FHIT: variants seen among roughly 807,000 people sequenced by gnomAD.
FHIT encodes bis(5'-adenosyl)-triphosphatase.
In FHIT, 19 loss-of-function variants were observed where a neutral mutation model predicts 17.9. That is an observed-to-expected ratio of 1.06 (90% confidence interval 0.74 to 1.56). FHIT has a LOEUF of 1.56. Ranked by LOEUF, FHIT falls within the 40% of genes most tolerant of loss-of-function variation. The pLI is 0.00. For missense variants in FHIT, 248 were observed against 189.2 expected (o/e 1.31, Z -1.82); for synonymous variants, 81 against 69.7 (o/e 1.16, Z -0.81).
intron 3 of FHIT, among the ~76,000 whole-genome samples, chr3:60,965,101 C>A (rs184548907): frequency 4.7e-4 from 71 of 152,262 alleles, no homozygotes; most frequent in Non-Finnish European, 9.7e-4. Context: ...TTCACATAGT[C>A]CCATATTTCC....
chr3:60,825,175 T>C (rs1373978707), intron 3 of FHIT, among the ~76,000 whole-genome samples: 7 of 152,196 alleles, frequency 4.6e-5, no homozygotes, highest in Admixed American at 3.9e-4. Context: ...AGTACACATA[T>C]GCCACGGCAT....
At chr3:60,276,476 A>G (rs1454757040) in intron 5 of FHIT, among the ~76,000 whole-genome samples, 1 of 152,218 alleles carries the variant, frequency 6.6e-6, no homozygotes, top group Non-Finnish European at 1.5e-5. Flanking sequence ...CCAAGAGTCT[A>G]TAAAATATAA....
chr3:59,935,804 A>T (rs34272009), intron 7 of FHIT, among the ~76,000 whole-genome samples: 14,857 of 152,030 alleles, frequency 0.098, 830 homozygotes, highest in South Asian at 0.11. Context: ...ATAGACAACT[A>T]CACTGCTCTT....
At chr3:60,073,022 G>A (rs1702847961) in intron 5 of FHIT, among the ~76,000 whole-genome samples, 1 of 152,172 alleles carries the variant, frequency 6.6e-6, no homozygotes, top group Non-Finnish European at 1.5e-5. Context: ...ATTCATGGAA[G>A]AAAACCCCAA....
At chr3:59,943,463 C>T (rs1049926922) in intron 7 of FHIT, among the ~76,000 whole-genome samples, 1 of 152,184 alleles carries the variant, frequency 6.6e-6, no homozygotes, top group Non-Finnish European at 1.5e-5. Flanking sequence ...TTCTCCCAGC[C>T]TTTCCTGCAT....
chr3:60,490,080 T>C (rs1161925889), intron 5 of FHIT, among the ~76,000 whole-genome samples: 1 of 152,140 alleles, frequency 6.6e-6, no homozygotes, highest in Non-Finnish European at 1.5e-5. Context: ...TAACTCGGAA[T>C]TAAACAAATC....
chr3:59,807,064 T>C (rs1700232435), intron 8 of FHIT, among the ~76,000 whole-genome samples: 1 of 152,154 alleles, frequency 6.6e-6, no homozygotes, highest in African/African-American at 2.4e-5. Flanking sequence ...GATCCCTCTC[T>C]TATCCAAAAT....
chr3:61,158,547 C>T (rs2037597655), intron 2 of FHIT, among the ~76,000 whole-genome samples: 1 of 152,226 alleles, frequency 6.6e-6, no homozygotes, highest in Non-Finnish European at 1.5e-5. Flanking sequence ...CCCTACTTCA[C>T]ATTACGAATA....
intron 7 of FHIT, among the ~76,000 whole-genome samples, chr3:59,960,638 C>T (rs1707628281): frequency 6.6e-6 from 1 of 152,160 alleles, no homozygotes; most frequent in Admixed American, 6.5e-5. Context: ...CTTTGGAAAA[C>T]AATGTTCATG....
intron 4 of FHIT, among the ~76,000 whole-genome samples, chr3:60,563,331 C>T (rs967022428): frequency 6.6e-6 from 1 of 152,180 alleles, no homozygotes; most frequent in East Asian, 1.9e-4. Flanking sequence ...TGCAGGCATA[C>T]TTCATTTCAC....
Position 60,784,723 on chromosome 3 carries a change from A to G in FHIT, c.-18+37196T>C, listed in dbSNP as rs1700505297. Among the ~76,000 whole-genome samples the G allele has an allele frequency of 3.3e-5, 5 of 152,184 alleles. No homozygotes were observed. In the South Asian group the frequency reaches 1.0e-3, roughly 31 times the overall value. On this transcript the variant is annotated intron_variant, in intron 4 of 9. Coordinates refer to ENST00000492590, the MANE Select transcript of FHIT (RefSeq NM_002012.4). ...ACTGAATGTTTGTGTCCCTCACAAAATTTATATGTTGAAATCTAATCCCAA... is the reference window on the plus strand; with the variant it reads ...ACTGAATGTTTGTGTCCCTCACAAAGTTTATATGTTGAAATCTAATCCCAA...
chr3:60,121,709 AACACAC>A (rs57250663), intron 5 of FHIT, among the ~76,000 whole-genome samples: 189 of 116,340 alleles, frequency 1.6e-3, no homozygotes, highest in Middle Eastern at 9.4e-3. Context: ...AAACAAAACA[AACACAC>A]ACACACACAC....
At chr3:60,730,761 C>G (rs1482152269) in intron 4 of FHIT, 1 of 152,266 alleles carries the variant, frequency 6.6e-6, no homozygotes, top group Non-Finnish European at 1.5e-5. Flanking sequence ...AAAACGCAAA[C>G]TCAAATGCCT....
At chr3:59,752,165 G>C (rs1700944574) in intron 9 of FHIT, 56 bp downstream of exon 9, 1 of 1,259,550 alleles carries the variant, frequency 7.9e-7, no homozygotes, top group Non-Finnish European at 1.1e-6. Context: ...TGAGAGTGCA[G>C]CCTCTTTCCT....
intron 5 of FHIT, among the ~76,000 whole-genome samples, chr3:60,366,331 G>A (rs560288036): frequency 1.3e-5 from 2 of 152,162 alleles, no homozygotes; most frequent in African/African-American, 4.8e-5. Context: ...CACCATGTTG[G>A]CCAGGCTGCT....
At chr3:59,835,346 G>A (rs942226145) in intron 8 of FHIT, among the ~76,000 whole-genome samples, 2 of 152,004 alleles carry the variant, frequency 1.3e-5, no homozygotes, top group South Asian at 2.1e-4. Flanking sequence ...ACCCTTTCCC[G>A]CCTATTATGT....
chr3:60,860,813 CAGGTATATA>C (rs1462536272), intron 3 of FHIT, among the ~76,000 whole-genome samples: 11,100 of 15,298 alleles, frequency 0.73, 5,254 homozygotes, highest in Middle Eastern at 1. Context: ...ACATATATAT[CAGGTATATA>C]TGATACATAT....
At chr3:59,903,202 T>C (rs919918814) in intron 8 of FHIT, among the ~76,000 whole-genome samples, 12 of 152,194 alleles carry the variant, frequency 7.9e-5, no homozygotes, top group Non-Finnish European at 1.5e-4. Context: ...CCACATAATG[T>C]ATGATGCCAT....
intron 5 of FHIT, among the ~76,000 whole-genome samples, chr3:60,320,002 C>T (rs1395131056): frequency 2.0e-5 from 3 of 152,150 alleles, no homozygotes; most frequent in Non-Finnish European, 4.4e-5. Context: ...TTCAGTACCT[C>T]AATTTAAAGC....
Sources: allele counts gnomAD v4.1 joint callset (sites outside exome capture counted in the v4.1 genomes callset), GRCh38; gene constraint gnomAD v4.1.1; transcripts MANE v1.5; gene names NCBI Gene and HGNC (gene_info 2026-07-23, HGNC 2026-07-21).